The following MROH7 variants were observed in gnomAD, a reference collection of about 807,000 sequenced individuals.
The protein encoded by MROH7 is maestro heat like repeat family member 7.
MROH7 carries 113 observed loss-of-function variants against 129.2 expected under a neutral mutation model. The ratio of observed to expected loss-of-function variants is 0.87; its 90% CI spans 0.75 to 1.02. The LOEUF is 1.02. Ranked by LOEUF, MROH7 falls within the 50% of genes least tolerant of loss-of-function variation. MROH7 has a pLI of 0.00. For synonymous variants in MROH7, 655 were observed against 667.9 expected (o/e 0.98, Z 0.30); for missense variants, 1,601 against 1,671.3 (o/e 0.96, Z 0.73).
At chr1:54,664,664 G>T (rs1644783824) in intron 3 of MROH7, among the ~76,000 whole-genome samples, 1 of 152,232 alleles carries the variant, frequency 6.6e-6, no homozygotes, top group South Asian at 2.1e-4. Context: ...TCAATGAAAT[G>T]CAGTGTCACT....
intron 7 of MROH7, among the ~76,000 whole-genome samples, chr1:54,671,846 G>A (rs1422382245): frequency 2.6e-5 from 4 of 151,944 alleles, no homozygotes; most frequent in African/African-American, 9.7e-5. Flanking sequence ...AAATAAATAC[G>A]AATAAGTGCA....
rs529394662 is a variant in MROH7 at position 54,674,875 on chromosome 1, G to A, written c.1936+724G>A. Among the ~76,000 whole-genome samples, 44 of 152,292 alleles carry A rather than the reference G, an allele frequency of 2.9e-4. No individual in the cohort carries two copies. The South Asian group carries it at 2.9e-3, about 10-fold the overall frequency. ...TGGGGGTAGAATGACCTTTGCATAA[G>A]AGCTGCTCCTATCGCTGCTTAGTGG... is the stretch of plus-strand genomic sequence containing the variant. On this transcript the variant is annotated intron_variant, in intron 10 of 23. Transcript: ENST00000421030.
rs1284820862 is a variant in MROH7 at position 54,657,201 on chromosome 1, C to T, written c.1231+3044C>T. On this transcript the variant is annotated intron_variant, in intron 3 of 23. Transcript: ENST00000421030. The stretch of plus-strand genomic sequence containing the variant: ...TAGCTGGGATTACAAGCACGTGCCA[C>T]CCTACTCAGCTAATTTTTTAAATAT... 2.6e-5 allele frequency among the ~76,000 whole-genome samples: 4 copies of T among 151,754 alleles called. No homozygotes were observed. In the East Asian group the frequency reaches 7.7e-4, roughly 29 times the overall value.
At chr1:54,671,813 G>A (rs1204603690) in intron 7 of MROH7, among the ~76,000 whole-genome samples, 3 of 152,134 alleles carry the variant, frequency 2.0e-5, no homozygotes, top group Non-Finnish European at 4.4e-5. Context: ...AGGTGAGTGT[G>A]GGGGAGATGG....
intron 16 of MROH7, among the ~76,000 whole-genome samples, chr1:54,694,294 C>G (rs1645286575): frequency 6.6e-6 from 1 of 152,378 alleles, no homozygotes; most frequent in South Asian, 2.1e-4. Flanking sequence ...TTGAACCCAG[C>G]TGTCTCATTC....
rs571330225 is a variant in MROH7, at chr1:54,690,732, A to C, written c.2712-1692A>C. 8.5e-5 allele frequency among the ~76,000 whole-genome samples: 13 copies of C among 152,296 alleles called. 1 individual carries two copies. The East Asian group carries it at 1.9e-3, about 23-fold the overall frequency. ...TGCTGGGATTACAGGCGTGAGCCACAGCACCTGGCGAATTCAGAAGTTTTG... is the reference window on the plus strand; with the variant it reads ...TGCTGGGATTACAGGCGTGAGCCACCGCACCTGGCGAATTCAGAAGTTTTG... On this transcript the variant is annotated intron_variant, in intron 15 of 23. Transcript: ENST00000421030.
At position 54,654,084 on chromosome 1, in the gene MROH7, C is replaced by T; in HGVS notation, c.1158C>T (p.Gly386=). 6.2e-7 allele frequency: 1 copy of T among 1,613,916 alleles called. No individual in the cohort carries two copies. The highest frequency in any genetic ancestry group is 8.5e-7 in the Non-Finnish European group (1 of 1,179,894). ...SWSEMASIKV[G]QFPLGFPISN... ...GTGAGATGGCCAGCATTAAGGTGGGCCAGTTCCCGCTGGGATTCCCCATCT... is the reference window on the plus strand; with the variant it reads ...GTGAGATGGCCAGCATTAAGGTGGGTCAGTTCCCGCTGGGATTCCCCATCT... The change falls in exon 3 of 24, where the codon GGC becomes GGT. Residue 386 remains glycine (G), a synonymous_variant. Coordinates refer to ENST00000421030, the MANE Select transcript of MROH7 (RefSeq NM_001039464.4).
chr1:54,643,597 A>G (rs141906865), intron 1 of MROH7, among the ~76,000 whole-genome samples: 4 of 152,314 alleles, frequency 2.6e-5, no homozygotes, highest in African/African-American at 7.2e-5. Context: ...GGAAAGCTTC[A>G]TGAAAGAGTG....
At chr1:54,678,963 C>A in intron 11 of MROH7, 109 bp downstream of exon 11, 1 of 887,098 alleles carries the variant, frequency 1.1e-6, no homozygotes, top group Non-Finnish European at 1.8e-6. Context: ...TTGCAGGACG[C>A]CTTCCCAGCC....
chr1:54,705,932 G>A (rs1570004338), intron 21 of MROH7, among the ~76,000 whole-genome samples: 1 of 152,160 alleles, frequency 6.6e-6, no homozygotes, highest in South Asian at 2.1e-4. Flanking sequence ...CAAAGCCATC[G>A]TGACTACCTC....
chr1:54,691,786 CAA>C (rs1199947432), intron 15 of MROH7, among the ~76,000 whole-genome samples: 6 of 65,726 alleles, frequency 9.1e-5, no homozygotes, highest in Non-Finnish European at 1.2e-4. Context: ...AGCCTGGCGA[CAA>C]AAAAAAAAAA....
At chr1:54,648,800 G>C (rs1003925037) in intron 1 of MROH7, among the ~76,000 whole-genome samples, 1 of 152,132 alleles carries the variant, frequency 6.6e-6, no homozygotes, top group Non-Finnish European at 1.5e-5. Context: ...ACTGGAGTAG[G>C]GTCTGGTAGT....
rs71048703 is a variant in MROH7 at position 54,661,576 on chromosome 1, A to ATTTGTTTGTTTG, written c.1232-3571_1232-3560dup. Among the ~76,000 whole-genome samples the ATTTGTTTGTTTG allele has an allele frequency of 3.9e-3, 590 of 149,840 alleles. 2 individuals are homozygous for ATTTGTTTGTTTG. Among genetic ancestry groups the ATTTGTTTGTTTG allele is most frequent in the Middle Eastern group, 0.021 (6 of 288 alleles). ...CATATAGTAGGTACTTAAAAATATT[A>ATTTGTTTGTTTG]TTTGTTTGTTTGTTTGTTTGTTTGT... On this transcript the variant is annotated intron_variant, in intron 3 of 23. Transcript: ENST00000421030.
Position 54,695,393 on chromosome 1 carries a change from C to T in MROH7, c.2867C>T (p.Ser956Phe). The T allele has an allele frequency of 6.2e-7, 1 of 1,612,328 alleles. No homozygotes were observed. Among genetic ancestry groups the T allele is most frequent in the Non-Finnish European group, 8.5e-7 (1 of 1,179,096 alleles). The change falls in exon 17 of 24, where the codon TCC becomes TTC. Residue 956 changes from serine to phenylalanine, a missense_variant. Coordinates refer to ENST00000421030, the MANE Select transcript of MROH7 (RefSeq NM_001039464.4). ...ACCCCCAGGGCCATGGTGCAGTACT[C>T]CTGCCAGGAGCTGTGCCGCATCCTC... ...ALLARAMVQY[S>F]CQELCRILYL...
At chr1:54,699,105 T>C (rs1035985298) in intron 17 of MROH7, 7 of 83,706 alleles carry the variant, frequency 8.4e-5, no homozygotes, top group African/African-American at 3.0e-4. Flanking sequence ...TTTCTTTCTT[T>C]CTTTCTTTCT....
At position 54,649,361 on chromosome 1, in the gene MROH7, G is replaced by T. The variant is rs1444659552; in HGVS notation, c.-109-2588G>T. Reference sequence around the variant, plus strand: ...AAAGGCCAACAGGCAGTTTGTGGCTGTCAGCAGGGAGTAGTGAGCTCCTTT... The same window carrying T: ...AAAGGCCAACAGGCAGTTTGTGGCTTTCAGCAGGGAGTAGTGAGCTCCTTT... On this transcript the variant is annotated intron_variant, in intron 1 of 23. Coordinates refer to ENST00000421030, the MANE Select transcript of MROH7 (RefSeq NM_001039464.4). Among the ~76,000 whole-genome samples, 9 of 152,278 alleles carry T rather than the reference G, an allele frequency of 5.9e-5. No homozygotes were observed. In the South Asian group the frequency reaches 1.2e-3, roughly 21 times the overall value.
intron 15 of MROH7, among the ~76,000 whole-genome samples, chr1:54,690,548 A>G (rs113629333): frequency 0.014 from 2,031 of 146,720 alleles, 42 homozygotes; most frequent in African/African-American, 0.049. Context: ...GGTTCACGCC[A>G]TTCTCCTGCC....
intron 14 of MROH7, among the ~76,000 whole-genome samples, chr1:54,684,126 A>G (rs1387828887): frequency 6.6e-6 from 1 of 152,212 alleles, no homozygotes; most frequent in African/African-American, 2.4e-5. Flanking sequence ...CTCCTATACT[A>G]TGTGCCAAGC....
intron 6 of MROH7, 66 bp downstream of exon 6, chr1:54,670,642 C>A: frequency 6.6e-7 from 1 of 1,518,966 alleles, no homozygotes; most frequent in Non-Finnish European, 8.9e-7. Flanking sequence ...TGCCTCCCTC[C>A]ATCTCTTCGC....
Sources: gnomAD v4.1 joint callset for allele counts (sites outside exome capture counted in the v4.1 genomes callset) on GRCh38, gnomAD v4.1.1 for gene constraint, MANE v1.5 for transcripts, NCBI Gene and HGNC (gene_info 2026-07-23, HGNC 2026-07-21) for gene names.